Variants in BABAM2 observed in about 807,000 individuals in gnomAD.
BABAM2 encodes the protein BRISC and BRCA1-A complex member 2.
BABAM2 carries 31 observed loss-of-function variants against 54.7 expected under a neutral mutation model. The observed-to-expected ratio is 0.57, with a 90% CI of 0.43 to 0.77. BABAM2 has a LOEUF of 0.77. Ranked by LOEUF, BABAM2 falls within the 30% of genes least tolerant of loss-of-function variation. The pLI is 0.00. For missense variants in BABAM2, 364 were observed against 455.8 expected (o/e 0.80, Z 1.83); for synonymous variants, 167 against 162.9 (o/e 1.03, Z -0.19).
intron 7 of BABAM2, among the ~76,000 whole-genome samples, chr2:28,153,943 G>T (rs72814490): frequency 0.096 from 14,613 of 152,130 alleles, 782 homozygotes; most frequent in African/African-American, 0.14. Context: ...GAAAGAGTAG[G>T]GTCATATTTT....
intron 6 of BABAM2, among the ~76,000 whole-genome samples, chr2:28,115,641 A>T (rs1396856926): frequency 6.6e-6 from 1 of 151,722 alleles, no homozygotes; most frequent in Non-Finnish European, 1.5e-5. Context: ...TAAATAAATA[A>T]AAATAAATAA....
At chr2:27,896,694 C>T (rs1362352261) in intron 2 of BABAM2, 1 of 165,018 alleles carries the variant, frequency 6.1e-6, no homozygotes, top group Non-Finnish European at 1.3e-5. Context: ...CCACCTCCTC[C>T]ATGAAGTTCT....
At chr2:28,208,717 G>GT (rs1271155077) in intron 7 of BABAM2, among the ~76,000 whole-genome samples, 1 of 147,368 alleles carries the variant, frequency 6.8e-6, no homozygotes, top group Non-Finnish European at 1.5e-5. Context: ...AGATAATCAT[G>GT]TAAGTTCCTG....
At chr2:27,895,463 A>G (rs934074596) in intron 2 of BABAM2, among the ~76,000 whole-genome samples, 1 of 152,174 alleles carries the variant, frequency 6.6e-6, no homozygotes, top group Non-Finnish European at 1.5e-5. Flanking sequence ...AGAGTGAAAA[A>G]TATGTTTTTT....
At chr2:28,136,593 G>T (rs1446861711) in intron 7 of BABAM2, among the ~76,000 whole-genome samples, 9 of 152,208 alleles carry the variant, frequency 5.9e-5, no homozygotes, top group Non-Finnish European at 2.9e-5. Flanking sequence ...CTTTATGGTC[G>T]CCTGTTCATG....
chr2:28,230,812 T>C (rs1176162987), intron 7 of BABAM2, among the ~76,000 whole-genome samples: 1 of 152,100 alleles, frequency 6.6e-6, no homozygotes, highest in Non-Finnish European at 1.5e-5. Flanking sequence ...GAACTATGAA[T>C]GATTTTTTTT....
At chr2:27,908,561 T>C (rs1287665864) in intron 2 of BABAM2, among the ~76,000 whole-genome samples, 2 of 152,188 alleles carry the variant, frequency 1.3e-5, no homozygotes, top group Non-Finnish European at 2.9e-5. Context: ...CGTGAGCCTC[T>C]GTGCTCGGCC....
At position 28,251,854 on chromosome 2, in the gene BABAM2, T is replaced by G. The variant is rs183339594; in HGVS notation, c.934+6992T>G. On this transcript the variant is annotated intron_variant, in intron 10 of 11. Transcript: ENST00000379624. Reference sequence around the variant, plus strand: ...TTAGAATTACCATGTTTACCTCATATCAGACATAAAGATTCTTAGTTTAAT... The same window carrying G: ...TTAGAATTACCATGTTTACCTCATAGCAGACATAAAGATTCTTAGTTTAAT... Among the ~76,000 whole-genome samples the G allele has an allele frequency of 1.4e-3, 208 of 152,320 alleles. 3 individuals are homozygous for G. The highest frequency in any genetic ancestry group is 0.01 in the Middle Eastern group (3 of 294).
chr2:28,226,497 G>A (rs912664064), intron 7 of BABAM2, among the ~76,000 whole-genome samples: 1 of 152,190 alleles, frequency 6.6e-6, no homozygotes, highest in Non-Finnish European at 1.5e-5. Context: ...AACAGAGGCA[G>A]ATCCTCATTC....
chr2:28,338,824 G>A lies in BABAM2; in HGVS notation c.*311G>A, dbSNP rs1691697515. On this transcript the variant is annotated 3_prime_UTR_variant, in exon 12 of 12. Transcript: ENST00000379624. ...AAAGTAAAGCCTCAGGAATGCCCAC[G>A]CCTTTCTTCCAAAGCCTTTGTCTCT... The A allele has an allele frequency of 1.2e-5, 4 of 329,406 alleles. No individual in the cohort carries two copies. The highest frequency in any genetic ancestry group is 6.6e-5 in the South Asian group (2 of 30,436). 20.4% of individuals were successfully genotyped at this position (329,406 alleles called of 1,614,324 possible).
chr2:28,093,357 G>A (rs901102579), intron 6 of BABAM2, among the ~76,000 whole-genome samples: 3 of 152,146 alleles, frequency 2.0e-5, no homozygotes, highest in African/African-American at 7.2e-5. Context: ...GAGTGTCATA[G>A]CTAGTAAATA....
At chr2:28,016,595 A>G (rs147520771) in intron 4 of BABAM2, 1 of 518,702 alleles carries the variant, frequency 1.9e-6, no homozygotes, top group Non-Finnish European at 3.5e-6. Context: ...ACATCCCAGA[A>G]TCCACTGTGT....
chr2:28,257,192 C>T (rs1331778678), intron 10 of BABAM2, among the ~76,000 whole-genome samples: 2 of 152,106 alleles, frequency 1.3e-5, no homozygotes, highest in African/African-American at 4.8e-5. Context: ...TACATTTTCC[C>T]ATCTTTTTTG....
chr2:27,951,279 A>T (rs1051971704), intron 3 of BABAM2, among the ~76,000 whole-genome samples: 6 of 152,156 alleles, frequency 3.9e-5, no homozygotes, highest in African/African-American at 7.2e-5. Flanking sequence ...GTTTAATGCT[A>T]TAAATTTCCA....
intron 8 of BABAM2, among the ~76,000 whole-genome samples, chr2:28,240,870 C>CAAAA (rs56247120): frequency 3.7e-5 from 4 of 109,172 alleles, no homozygotes; most frequent in African/African-American, 1.3e-4. Context: ...GACTCTGTCT[C>CAAAA]AAAAAAAAAA....
intron 4 of BABAM2, among the ~76,000 whole-genome samples, chr2:28,016,935 C>CT (rs1230843313): frequency 9.9e-5 from 15 of 152,150 alleles, no homozygotes; most frequent in Non-Finnish European, 1.8e-4. Context: ...GCTGTGTTAC[C>CT]TTTTTTTGTT....
intron 11 of BABAM2, among the ~76,000 whole-genome samples, chr2:28,313,048 C>T (rs1013550193): frequency 6.6e-6 from 1 of 152,214 alleles, no homozygotes; most frequent in Admixed American, 6.5e-5. Flanking sequence ...TCATCAAGGG[C>T]AGGAGTTTAG....
intron 7 of BABAM2, among the ~76,000 whole-genome samples, chr2:28,218,325 T>A (rs1680095003): frequency 6.6e-6 from 1 of 152,248 alleles, no homozygotes; most frequent in African/African-American, 2.4e-5. Context: ...TTGTGTCAGT[T>A]GTTTCACTAA....
At chr2:27,933,766 T>TG (rs1273714314) in intron 3 of BABAM2, among the ~76,000 whole-genome samples, 1 of 141,410 alleles carries the variant, frequency 7.1e-6, no homozygotes, top group Non-Finnish European at 1.5e-5. Context: ...CCTGGCTTGT[T>TG]TTTTTTTTTT....
Sources: gnomAD v4.1 joint callset for allele counts (sites outside exome capture counted in the v4.1 genomes callset) on GRCh38, gnomAD v4.1.1 for gene constraint, MANE v1.5 for transcripts, NCBI Gene and HGNC (gene_info 2026-07-23, HGNC 2026-07-21) for gene names.